Variants in MTHFD2L observed in about 807,000 individuals in gnomAD.
MTHFD2L encodes methylenetetrahydrofolate dehydrogenase (NADP+ dependent) 2 like, also known as bifunctional methylenetetrahydrofolate dehydrogenase/cyclohydrolase 2, mitochondrial.
A neutral mutation model predicts 34.9 loss-of-function variants in MTHFD2L; 29 were observed. The ratio of observed to expected loss-of-function variants is 0.83; its 90% CI spans 0.62 to 1.13. The LOEUF is 1.13. Ranked by LOEUF, MTHFD2L falls within the 50% of genes most tolerant of loss-of-function variation. The pLI, the probability that MTHFD2L is intolerant of heterozygous loss-of-function variation, is 0.00. For missense variants in MTHFD2L, 481 were observed against 446.5 expected (o/e 1.08, Z -0.70); for synonymous variants, 167 against 155.7 (o/e 1.07, Z -0.54).
chr4:74,285,872 A>T (rs1748110121), intron 7 of MTHFD2L, among the ~76,000 whole-genome samples: 2 of 152,106 alleles, frequency 1.3e-5, no homozygotes, highest in Non-Finnish European at 2.9e-5. Context: ...AATCACTTCT[A>T]CATGATTATT....
At chr4:74,184,134 TAATCTA>T (rs1730702679) in intron 3 of MTHFD2L, among the ~76,000 whole-genome samples, 1 of 152,194 alleles carries the variant, frequency 6.6e-6, no homozygotes, top group Non-Finnish European at 1.5e-5. Context: ...GATATTCAGT[TAATCTA>T]AAGGAATATA....
intron 6 of MTHFD2L, among the ~76,000 whole-genome samples, chr4:74,234,923 C>T (rs1740631372): frequency 6.6e-6 from 1 of 151,990 alleles, no homozygotes. Flanking sequence ...CTGAAAAGTA[C>T]ATGAATGAGT....
At chr4:74,296,430 T>C (rs931887860) in intron 7 of MTHFD2L, among the ~76,000 whole-genome samples, 6 of 152,106 alleles carry the variant, frequency 3.9e-5, no homozygotes, top group African/African-American at 1.4e-4. Context: ...GCAGGGTGAC[T>C]TGGCCACTCT....
At chr4:74,178,624 A>C (rs1279919358) in intron 3 of MTHFD2L, among the ~76,000 whole-genome samples, 1 of 152,092 alleles carries the variant, frequency 6.6e-6, no homozygotes, top group Non-Finnish European at 1.5e-5. Flanking sequence ...GTGATTAAAA[A>C]AAAAAATCTG....
At chr4:74,165,069 T>G (rs544050556) in intron 1 of MTHFD2L, 2 of 794,776 alleles carry the variant, frequency 2.5e-6, no homozygotes, top group East Asian at 2.5e-4. Flanking sequence ...ACTAGCACAT[T>G]TTTTAGAGTA....
chr4:74,127,021 T>C (rs533122930), intron 1 of MTHFD2L, among the ~76,000 whole-genome samples: 1 of 152,070 alleles, frequency 6.6e-6, no homozygotes, highest in African/African-American at 2.4e-5. Flanking sequence ...ACAAGAGGCT[T>C]CCCCTTTGAC....
At chr4:74,230,733 T>C (rs1348297654) in intron 6 of MTHFD2L, among the ~76,000 whole-genome samples, 2 of 152,102 alleles carry the variant, frequency 1.3e-5, no homozygotes, top group Non-Finnish European at 2.9e-5. Flanking sequence ...TAAATCAGCT[T>C]TGCACAAGCT....
intron 1 of MTHFD2L, among the ~76,000 whole-genome samples, chr4:74,162,505 C>CTTTTTTTTT (rs3051352): frequency 8.0e-6 from 1 of 124,270 alleles, no homozygotes. Flanking sequence ...TCTCTCCCCA[C>CTTTTTTTTT]TTTTTTTTTT....
intron 1 of MTHFD2L, chr4:74,143,413 CG>C (rs1723398524): frequency 1.0e-6 from 1 of 985,170 alleles, no homozygotes; most frequent in Admixed American, 6.2e-5. Flanking sequence ...CATGGAAACA[CG>C]GATTTGAGCT....
upstream of MTHFD2L, among the ~76,000 whole-genome samples, chr4:74,122,827 TAG>T: frequency 1.3e-5 from 2 of 152,308 alleles, no homozygotes; most frequent in Middle Eastern, 6.8e-3. Context: ...ATCTATAGAT[TAG>T]GTATTAGCAT....
At chr4:74,123,712 G>C (rs764687134), upstream of MTHFD2L, among the ~76,000 whole-genome samples, 8 of 151,798 alleles carry the variant, frequency 5.3e-5, no homozygotes, top group Non-Finnish European at 1.0e-4. Context: ...ATTTTTATGG[G>C]CCCTAAAAAT....
chr4:74,224,473 TG>T (rs1738819958), intron 5 of MTHFD2L, among the ~76,000 whole-genome samples: 1 of 152,184 alleles, frequency 6.6e-6, no homozygotes. Flanking sequence ...TTTGTTGTTT[TG>T]GTTAACTGTG....
At chr4:74,239,489 T>TAA (rs199913313) in intron 6 of MTHFD2L, among the ~76,000 whole-genome samples, 1,627 of 147,872 alleles carry the variant, frequency 0.011, 30 homozygotes, top group African/African-American at 0.035. Flanking sequence ...AAGTATAATT[T>TAA]TAAAAAAAAA....
At chr4:74,276,861 AGAAT>A (rs1356452404) in intron 6 of MTHFD2L, among the ~76,000 whole-genome samples, 2 of 152,178 alleles carry the variant, frequency 1.3e-5, no homozygotes, top group African/African-American at 2.4e-5. Context: ...CTTCTTAAGT[AGAAT>A]GAATGATAGA....
At position 74,166,235 on chromosome 4, in the gene MTHFD2L, A is replaced by G. The variant is rs1027582261; in HGVS notation, c.143+7954A>G. 9.2e-5 allele frequency among the ~76,000 whole-genome samples: 14 copies of G among 152,290 alleles called. No individual in the cohort carries two copies. The East Asian group carries it at 2.7e-3, about 29-fold the overall frequency. ...GAGGCTGGAAGTCTGAAATCAAAGT[A>G]TCTGTAGGCCCACACTCTGTCGACT... On this transcript the variant is annotated intron_variant, in intron 1 of 7. Transcript: ENST00000325278.
chr4:74,117,357 A>T (rs1373936905), intron 2 of MTHFD2L, among the ~76,000 whole-genome samples: 2 of 152,190 alleles, frequency 1.3e-5, no homozygotes, highest in East Asian at 3.8e-4. Flanking sequence ...ATTCAGATTC[A>T]GCTACTATTG....
chr4:74,149,131 T>C (rs1051087280), intron 1 of MTHFD2L, among the ~76,000 whole-genome samples: 1 of 151,904 alleles, frequency 6.6e-6, no homozygotes, highest in Non-Finnish European at 1.5e-5. Context: ...TAGATAGTTT[T>C]ATCTTCTCAA....
intron 1 of MTHFD2L, among the ~76,000 whole-genome samples, chr4:74,133,511 T>G (rs1039653178): frequency 9.9e-5 from 15 of 152,118 alleles, no homozygotes; most frequent in African/African-American, 3.6e-4. Context: ...TTTTATTGTT[T>G]TTTTCTTTTC....
chr4:74,273,892 C>T (rs1291483780), intron 6 of MTHFD2L, among the ~76,000 whole-genome samples: 4 of 152,254 alleles, frequency 2.6e-5, no homozygotes, highest in South Asian at 4.1e-4. Flanking sequence ...AGAGATTTCA[C>T]GAGACAGACT....
Sources: gnomAD v4.1 joint callset for allele counts (sites outside exome capture counted in the v4.1 genomes callset) on GRCh38, gnomAD v4.1.1 for gene constraint, MANE v1.5 for transcripts, NCBI Gene and HGNC (gene_info 2026-07-23, HGNC 2026-07-21) for gene names.